MEAK7: variants seen among roughly 807,000 people sequenced by gnomAD.
MEAK7 encodes the protein MTOR-associated protein MEAK7.
Under a neutral mutation model 40.5 loss-of-function variants are expected in MEAK7, and 68 were observed. The ratio of observed to expected loss-of-function variants is 1.68; its 90% CI spans 1.38 to 2.06. The LOEUF (loss-of-function observed/expected upper bound fraction) is 2.06. Among genes scored for constraint, MEAK7 ranks in the 30% most tolerant of loss-of-function variants. MEAK7 has a pLI of 0.00. For missense variants in MEAK7, 918 were observed against 580.5 expected, an observed-to-expected ratio of 1.58 and a Z score of -5.98; for synonymous variants, 338 against 231.9, an observed-to-expected ratio of 1.46 and a Z score of -4.16.
At chr16:84,491,088 G>T (rs966476590) in intron 3 of MEAK7, among the ~76,000 whole-genome samples, 2 of 152,082 alleles carry the variant, frequency 1.3e-5, no homozygotes, top group Non-Finnish European at 2.9e-5. Flanking sequence ...AAAATATGAA[G>T]AATCTTTAGC....
chr16:84,496,606 A>G (rs1410164082), intron 2 of MEAK7, among the ~76,000 whole-genome samples: 3 of 152,152 alleles, frequency 2.0e-5, no homozygotes, highest in African/African-American at 4.8e-5. Context: ...TCACAGGAAA[A>G]TAAGTAGGGG....
At chr16:84,499,047 C>G (rs1052025895) in intron 1 of MEAK7, among the ~76,000 whole-genome samples, 1 of 152,240 alleles carries the variant, frequency 6.6e-6, no homozygotes, top group Non-Finnish European at 1.5e-5. Flanking sequence ...CTGCCTGGCA[C>G]TGACCGTGCC....
rs557749984 is a variant in MEAK7 at position 84,486,937 on chromosome 16, A to G, written c.652T>C (p.Phe218Leu). ...IFLSVVICKGFLILCSSLDLT... is the reference protein window; with the variant it reads ...IFLSVVICKGLLILCSSLDLT... The stretch of plus-strand genomic sequence containing the variant: ...TCAAGAGACGAGCACAGGATGAGAA[A>G]GCCCTTGCAAATGACCACACTCAGG... The change falls in exon 5 of 8, where the codon TTT becomes CTT. Residue 218 changes from phenylalanine to leucine, a missense_variant. Phe to Leu is a conservative substitution (Grantham distance 22). Transcript: ENST00000343629. The G allele has an allele frequency of 1.9e-6, 3 of 1,614,176 alleles. No individual in the cohort carries two copies. The African/African-American group carries it at 4.0e-5, about 22-fold the overall frequency.
At chr16:84,481,065 G>C (rs947539134) in intron 6 of MEAK7, among the ~76,000 whole-genome samples, 2 of 152,022 alleles carry the variant, frequency 1.3e-5, no homozygotes, top group Admixed American at 6.5e-5. Flanking sequence ...GATAAGGGGA[G>C]AGGTGAACAC....
chr16:84,491,902 T>C (rs1343689673), intron 3 of MEAK7, among the ~76,000 whole-genome samples: 1 of 152,010 alleles, frequency 6.6e-6, no homozygotes, highest in African/African-American at 2.4e-5. Flanking sequence ...GGTTATCATA[T>C]CCATGTAACA....
Position 84,486,909 on chromosome 16 carries a change from A to G in MEAK7, c.680T>C (p.Leu227Pro). ...TTGACGCTCAGGGACCAGGGTAGTC[A>G]GATCAAGAGACGAGCACAGGATGAG... ...GFLILCSSLD[L>P]TTLVPERQVD... The change falls in exon 5 of 8, where the codon CTG (leucine) becomes CCG (proline). Residue 227 changes from leucine (L) to proline (P), a missense_variant. Transcript: ENST00000343629. The G allele has an allele frequency of 6.2e-7, 1 of 1,614,232 alleles. No homozygotes were observed. The highest frequency in any genetic ancestry group is 2.2e-5 in the East Asian group (1 of 44,890).
At position 84,478,651 on chromosome 16, in the gene MEAK7, C is replaced by G. The variant is rs182748556; in HGVS notation, c.*1262G>C. On this transcript the variant is annotated 3_prime_UTR_variant, in exon 8 of 8. Coordinates refer to ENST00000343629, the MANE Select transcript of MEAK7 (RefSeq NM_020947.4). ...TTGTTTTCCAGACGTGGGCAGATGG[C>G]AGCTCTGCTGACCCCACAACCCACC... 8.3e-4 allele frequency: 127 copies of G among 152,336 alleles called. 1 individual carries two copies. The highest frequency in any genetic ancestry group is 3.0e-3 in the African/African-American group (123 of 41,578). The allele number at this position is 152,336 out of a possible 1,614,324, so 9.4% of individuals were successfully genotyped here. A position where few individuals can be genotyped will look rare whatever the true frequency, so the allele number is the denominator to read the frequency against.
At chr16:84,500,583 C>A (rs955570135) in intron 1 of MEAK7, among the ~76,000 whole-genome samples, 39 of 152,204 alleles carry the variant, frequency 2.6e-4, no homozygotes, top group African/African-American at 8.9e-4. Flanking sequence ...GTGCACTTTA[C>A]ACAGACAGGC....
rs186506893 is a variant in MEAK7, at chr16:84,500,707, C to T, written c.-25-2596G>A. ...CAGAAGAGCCCAGAAGGAAAACCTCCAGCCTGGACTCAATGTCCAGCGGCA... is the reference window on the plus strand; with the variant it reads ...CAGAAGAGCCCAGAAGGAAAACCTCTAGCCTGGACTCAATGTCCAGCGGCA... On this transcript the variant is annotated intron_variant, in intron 1 of 7. Coordinates refer to ENST00000343629, the MANE Select transcript of MEAK7 (RefSeq NM_020947.4). Among the ~76,000 whole-genome samples, 79 of 152,302 alleles carry T rather than the reference C, an allele frequency of 5.2e-4. 2 individuals carry two copies. Among genetic ancestry groups the T allele is most frequent in the Admixed American group, 4.8e-3 (74 of 15,298 alleles).
chr16:84,493,581 T>A (rs1375284120), intron 3 of MEAK7, among the ~76,000 whole-genome samples: 1 of 152,246 alleles, frequency 6.6e-6, no homozygotes, highest in Non-Finnish European at 1.5e-5. Context: ...TTACAGCTTT[T>A]AACAATTAAA....
intron 1 of MEAK7, among the ~76,000 whole-genome samples, chr16:84,500,474 C>G (rs7201314): frequency 0.43 from 65,655 of 151,534 alleles, 14,945 homozygotes; most frequent in East Asian, 0.62. Flanking sequence ...TTATATGACA[C>G]CCATCTTCGC....
chr16:84,503,181 T>C (rs979101184), intron 1 of MEAK7, among the ~76,000 whole-genome samples: 1 of 147,754 alleles, frequency 6.8e-6, no homozygotes, highest in African/African-American at 2.5e-5. Flanking sequence ...CAATAACTGA[T>C]AAGTGCATAT....
At chr16:84,501,276 G>C (rs776025822) in intron 1 of MEAK7, among the ~76,000 whole-genome samples, 1 of 152,064 alleles carries the variant, frequency 6.6e-6, no homozygotes, top group South Asian at 2.1e-4. Flanking sequence ...CAGCACGCAC[G>C]GGGCATAAGC....
chr16:84,502,313 A>G (rs990561731), intron 1 of MEAK7, among the ~76,000 whole-genome samples: 2 of 148,540 alleles, frequency 1.3e-5, no homozygotes, highest in African/African-American at 2.5e-5. Flanking sequence ...GTTGGCATCT[A>G]GCAGGCAGAG....
At chr16:84,497,430 G>T (rs1363849019) in intron 2 of MEAK7, 2 of 1,288,606 alleles carry the variant, frequency 1.6e-6, no homozygotes, top group South Asian at 1.2e-5. Flanking sequence ...CATTCTAGAG[G>T]CAACGGTGCA....
At chr16:84,480,146 C>T (rs1207638948) in intron 7 of MEAK7, 120 bp from the exon 8 acceptor site, 1 of 776,728 alleles carries the variant, frequency 1.3e-6, no homozygotes, top group East Asian at 2.9e-5. Context: ...TAAGGCCCCT[C>T]CCACTCTGGG....
intron 5 of MEAK7, among the ~76,000 whole-genome samples, chr16:84,484,710 A>G (rs1049699094): frequency 5.3e-5 from 8 of 152,164 alleles, no homozygotes; most frequent in Non-Finnish European, 7.3e-5. Context: ...TAAATCACTT[A>G]AAGTCTCAGA....
At chr16:84,496,286 C>T (rs535048145) in intron 2 of MEAK7, among the ~76,000 whole-genome samples, 27 of 152,262 alleles carry the variant, frequency 1.8e-4, no homozygotes, top group Non-Finnish European at 2.2e-4. Flanking sequence ...TCATGGGCTA[C>T]GTGAATGACA....
At chr16:84,504,451 C>T (rs995674741) in intron 1 of MEAK7, 150 bp downstream of exon 1, 10 of 361,874 alleles carry the variant, frequency 2.8e-5, no homozygotes, top group South Asian at 2.2e-4. Context: ...TTCACCTCTC[C>T]CTCCCCCGAC....
Sources: gnomAD v4.1 joint callset for allele counts (sites outside exome capture counted in the v4.1 genomes callset) on GRCh38, gnomAD v4.1.1 for gene constraint, MANE v1.5 for transcripts, NCBI Gene and HGNC (gene_info 2026-07-23, HGNC 2026-07-21) for gene names.